MACROD2: variants seen among roughly 807,000 people sequenced by gnomAD.
MACROD2 encodes ADP-ribose glycohydrolase MACROD2.
In MACROD2, 36 loss-of-function variants were observed where a neutral mutation model predicts 70.4. The observed-to-expected ratio is 0.51, with a 90% CI of 0.39 to 0.68. MACROD2 has a LOEUF of 0.68. Among genes scored for constraint, MACROD2 ranks in the 30% least tolerant of loss-of-function variants. MACROD2 has a pLI of 0.00. For missense variants in MACROD2, 496 were observed against 538.4 expected, an observed-to-expected ratio of 0.92 and a Z score of 0.78; for synonymous variants, 172 against 178.8, an observed-to-expected ratio of 0.96 and a Z score of 0.30.
chr20:14,233,540 A>T (rs1379515026), intron 3 of MACROD2, among the ~76,000 whole-genome samples: 2 of 151,284 alleles, frequency 1.3e-5, no homozygotes, highest in Non-Finnish European at 2.9e-5. Flanking sequence ...AAAAAAAAAA[A>T]AATTAGCCAG....
At chr20:15,410,399 T>C (rs1294197820) in intron 6 of MACROD2, among the ~76,000 whole-genome samples, 1 of 152,204 alleles carries the variant, frequency 6.6e-6, no homozygotes, top group Admixed American at 6.5e-5. Context: ...TGGGTTACCT[T>C]CCTTCGGTAT....
intron 8 of MACROD2, among the ~76,000 whole-genome samples, chr20:15,584,766 G>C (rs1326088335): frequency 1.3e-5 from 2 of 152,188 alleles, no homozygotes; most frequent in African/African-American, 4.8e-5. Flanking sequence ...AATGCTCCAG[G>C]AGCATGGGGC....
chr20:15,974,354 T>C (rs79490302), intron 13 of MACROD2, among the ~76,000 whole-genome samples: 2,192 of 151,520 alleles, frequency 0.014, 49 homozygotes, highest in African/African-American at 0.05. Flanking sequence ...AGAAATGAGC[T>C]ATCAAACCAT....
intron 5 of MACROD2, among the ~76,000 whole-genome samples, chr20:14,926,498 C>T (rs1030887152): frequency 4.0e-5 from 6 of 150,890 alleles, no homozygotes; most frequent in African/African-American, 1.2e-4. Flanking sequence ...TGCAGTGAGC[C>T]GAGATTGCAT....
At chr20:15,307,806 C>G (rs1349417749) in intron 6 of MACROD2, among the ~76,000 whole-genome samples, 4 of 151,940 alleles carry the variant, frequency 2.6e-5, no homozygotes, top group Admixed American at 1.3e-4. Context: ...TTTGTCATTT[C>G]TTTATAGTCT....
rs528049078 is a variant in MACROD2 at position 14,090,163 on chromosome 20, G to T, written c.271+4435G>T. Among the ~76,000 whole-genome samples the T allele has an allele frequency of 3.9e-5, 6 of 152,266 alleles. No homozygotes were observed. The South Asian group carries it at 1.2e-3, about 32-fold the overall frequency. On this transcript the variant is annotated intron_variant, in intron 3 of 17. Transcript: ENST00000684519. ...TTCAGTTTTAACAATTTTTAAACTT[G>T]CATTCATGTGAATGTGTGTATATAT...
chr20:14,994,683 C>T (rs1404145851), intron 5 of MACROD2, among the ~76,000 whole-genome samples: 1 of 152,146 alleles, frequency 6.6e-6, no homozygotes, highest in Non-Finnish European at 1.5e-5. Flanking sequence ...AACACCAGCA[C>T]ACCAATATCT....
intron 8 of MACROD2, among the ~76,000 whole-genome samples, chr20:15,826,757 A>T (rs1435849627): frequency 6.6e-6 from 1 of 152,228 alleles, no homozygotes; most frequent in Non-Finnish European, 1.5e-5. Flanking sequence ...GGAAAAATAT[A>T]AGTAACAAAA....
chr20:14,821,946 AGTT>A (rs2072850059), intron 5 of MACROD2, among the ~76,000 whole-genome samples: 1 of 152,080 alleles, frequency 6.6e-6, no homozygotes, highest in Non-Finnish European at 1.5e-5. Flanking sequence ...CTACAAGTAT[AGTT>A]GTTTTATTTC....
chr20:15,341,068 G>A (rs985460963), intron 6 of MACROD2, among the ~76,000 whole-genome samples: 4 of 152,102 alleles, frequency 2.6e-5, no homozygotes, highest in Admixed American at 1.3e-4. Flanking sequence ...GGAAAGAGAG[G>A]TTACTTGTTT....
chr20:14,484,698 T>C (rs887604904), intron 3 of MACROD2, among the ~76,000 whole-genome samples: 14 of 152,222 alleles, frequency 9.2e-5, no homozygotes, highest in Admixed American at 2.0e-4. Flanking sequence ...AAAATTTGTC[T>C]TTCTGTGCCT....
chr20:14,020,591 G>T (rs2053062241), intron 2 of MACROD2, among the ~76,000 whole-genome samples: 1 of 152,154 alleles, frequency 6.6e-6, no homozygotes. Context: ...TCAGACATTT[G>T]ACTATTATGT....
intron 4 of MACROD2, among the ~76,000 whole-genome samples, chr20:14,564,140 G>T (rs191452677): frequency 3.3e-5 from 5 of 151,940 alleles, no homozygotes; most frequent in African/African-American, 9.6e-5. Flanking sequence ...TTGGAGAACC[G>T]TATGCAGAAG....
intron 5 of MACROD2, among the ~76,000 whole-genome samples, chr20:15,039,838 G>A (rs1180253682): frequency 2.6e-5 from 4 of 152,098 alleles, no homozygotes; most frequent in Non-Finnish European, 5.9e-5. Context: ...TCAAAACTAA[G>A]GGTCATTTTT....
chr20:14,738,514 A>G (rs2071695049), intron 5 of MACROD2, among the ~76,000 whole-genome samples: 1 of 152,090 alleles, frequency 6.6e-6, no homozygotes, highest in Non-Finnish European at 1.5e-5. Flanking sequence ...CCTCATTGAA[A>G]TGTAAGTGAG....
At chr20:15,048,823 G>A (rs1284001105) in intron 5 of MACROD2, among the ~76,000 whole-genome samples, 2 of 152,068 alleles carry the variant, frequency 1.3e-5, no homozygotes, top group Non-Finnish European at 2.9e-5. Context: ...AATTATAGAT[G>A]TGCCTACTGT....
intron 8 of MACROD2, among the ~76,000 whole-genome samples, chr20:15,708,635 G>T (rs1437105736): frequency 7.1e-6 from 1 of 140,790 alleles, no homozygotes; most frequent in Non-Finnish European, 1.6e-5. Context: ...AGCACTTTGG[G>T]AGCGAGGCAG....
At chr20:15,419,984 T>C (rs991198487) in intron 6 of MACROD2, among the ~76,000 whole-genome samples, 3 of 152,246 alleles carry the variant, frequency 2.0e-5, no homozygotes, top group Admixed American at 2.0e-4. Context: ...CCTTTGCTTC[T>C]ATATAAAGGG....
At position 14,957,256 on chromosome 20, in the gene MACROD2, A is replaced by G. The variant is rs2074545196; in HGVS notation, c.418+272297A>G. Among the ~76,000 whole-genome samples the G allele has an allele frequency of 3.3e-5, 5 of 151,908 alleles. No homozygotes were observed. In the South Asian group the frequency reaches 1.0e-3, roughly 32 times the overall value. ...ATGCCATTCATTTTCATAATTTCTT[A>G]GTTTTTTTTGTAGTTTTAGAAACAT... On this transcript the variant is annotated intron_variant, in intron 5 of 17. Coordinates refer to ENST00000684519, the MANE Select transcript of MACROD2 (RefSeq NM_001351661.2).
Sources: gnomAD v4.1 joint callset for allele counts (sites outside exome capture counted in the v4.1 genomes callset) on GRCh38, gnomAD v4.1.1 for gene constraint, MANE v1.5 for transcripts, NCBI Gene and HGNC (gene_info 2026-07-23, HGNC 2026-07-21) for gene names.